NEGR1: variants seen among roughly 807,000 people sequenced by gnomAD.
NEGR1 encodes IgLON family member 4.
In NEGR1, 10 loss-of-function variants were observed where a neutral mutation model predicts 40.9. That is an observed-to-expected ratio of 0.24 (90% CI 0.15 to 0.42). The LOEUF (loss-of-function observed/expected upper bound fraction) is 0.42, where lower values mean the gene tolerates loss of function less well. Among genes scored for constraint, NEGR1 ranks in the 10% least tolerant of loss-of-function variants. The pLI is 1.00. For missense variants in NEGR1, 352 were observed against 438.9 expected (o/e 0.80, Z 1.77); for synonymous variants, 185 against 166.8 (o/e 1.11, Z -0.84).
chr1:71,707,170 C>T (rs550688110), intron 3 of NEGR1, among the ~76,000 whole-genome samples: 1 of 152,196 alleles, frequency 6.6e-6, no homozygotes, highest in South Asian at 2.1e-4. Flanking sequence ...TACACTGCCA[C>T]AGGGGTTGGA....
intron 3 of NEGR1, among the ~76,000 whole-genome samples, chr1:71,715,707 C>A (rs1305658636): frequency 6.6e-6 from 1 of 152,142 alleles, no homozygotes; most frequent in Non-Finnish European, 1.5e-5. Flanking sequence ...GCAAGAGTTG[C>A]CTTTATTACA....
intron 2 of NEGR1, among the ~76,000 whole-genome samples, chr1:71,813,019 C>T (rs1352957886): frequency 1.3e-5 from 2 of 151,942 alleles, no homozygotes; most frequent in East Asian, 1.9e-4. Flanking sequence ...GCCTATGTCC[C>T]GAATTGTATT....
chr1:71,665,195 G>A (rs1408981686), intron 4 of NEGR1, among the ~76,000 whole-genome samples: 2 of 152,120 alleles, frequency 1.3e-5, no homozygotes, highest in African/African-American at 2.4e-5. Context: ...CAATAATAAA[G>A]CTAATTTTTC....
At position 71,661,050 on chromosome 1, in the gene NEGR1, C is replaced by T. The variant is rs556897827; in HGVS notation, c.667+36958G>A. The stretch of plus-strand genomic sequence containing the variant: ...TGAACTCATCCTTTTTTAGGGCTGC[C>T]TAGTATTCCATGGTGTGTATGTGCC... On this transcript the variant is annotated intron_variant, in intron 4 of 6. Coordinates refer to ENST00000357731, the MANE Select transcript of NEGR1 (RefSeq NM_173808.3). Among the ~76,000 whole-genome samples the T allele has an allele frequency of 1.2e-3, 189 of 152,206 alleles. 1 individual carries two copies. Among genetic ancestry groups the T allele is most frequent in the African/African-American group, 4.4e-3 (181 of 41,528 alleles).
At chr1:71,652,922 G>T (rs1651765556) in intron 4 of NEGR1, among the ~76,000 whole-genome samples, 1 of 151,338 alleles carries the variant, frequency 6.6e-6, no homozygotes, top group South Asian at 2.1e-4. Context: ...CTTTTTTATG[G>T]TCTTATTGTT....
intron 6 of NEGR1, among the ~76,000 whole-genome samples, chr1:71,415,108 T>G (rs1163299751): frequency 1.3e-5 from 2 of 152,080 alleles, no homozygotes; most frequent in African/African-American, 4.8e-5. Flanking sequence ...TGTATTTATA[T>G]ACTTATTCTA....
intron 2 of NEGR1, among the ~76,000 whole-genome samples, chr1:71,924,735 T>C (rs1040552676): frequency 2.6e-5 from 4 of 152,192 alleles, no homozygotes; most frequent in Non-Finnish European, 4.4e-5. Flanking sequence ...GGGTAGAATA[T>C]ATTTTGTAGA....
chr1:72,228,918 C>A (rs1281047951), intron 1 of NEGR1, among the ~76,000 whole-genome samples: 1 of 152,082 alleles, frequency 6.6e-6, no homozygotes, highest in East Asian at 1.9e-4. Context: ...CCTAGGAATA[C>A]TGCTATCACT....
intron 2 of NEGR1, among the ~76,000 whole-genome samples, chr1:71,906,869 T>C (rs1661291163): frequency 6.6e-6 from 1 of 152,280 alleles, no homozygotes; most frequent in South Asian, 2.1e-4. Context: ...GCACTTAACC[T>C]AGCCTGAGGG....
At chr1:71,562,415 T>C (rs2101482151) in intron 6 of NEGR1, among the ~76,000 whole-genome samples, 1 of 98,154 alleles carries the variant, frequency 1.0e-5, no homozygotes, top group African/African-American at 3.3e-5. Flanking sequence ...ATTACATTGC[T>C]TACCATTACC....
At chr1:71,424,761 A>T (rs963330176) in intron 6 of NEGR1, among the ~76,000 whole-genome samples, 3 of 152,186 alleles carry the variant, frequency 2.0e-5, no homozygotes, top group African/African-American at 7.2e-5. Flanking sequence ...CCTTCTGCTG[A>T]CAGCCAACAA....
rs566508219 is a variant in NEGR1 at position 72,017,474 on chromosome 1, G to A, written c.177-82163C>T. ...AAATACCTGGTAATTTATTGCACCC[G>A]CAGATATTTGTTGAGTGAATGGATA... On this transcript the variant is annotated intron_variant, in intron 1 of 6. Coordinates refer to ENST00000357731, the MANE Select transcript of NEGR1 (RefSeq NM_173808.3). 3.9e-5 allele frequency among the ~76,000 whole-genome samples: 6 copies of A among 152,100 alleles called. No individual in the cohort carries two copies. The East Asian group carries it at 9.6e-4, about 24-fold the overall frequency.
chr1:71,799,182 T>C (rs991995873), intron 2 of NEGR1, among the ~76,000 whole-genome samples: 3 of 152,082 alleles, frequency 2.0e-5, no homozygotes, highest in Non-Finnish European at 4.4e-5. Context: ...CTACTAATGC[T>C]ATCCCTCCCC....
At chr1:71,942,812 T>C (rs1239440840) in intron 1 of NEGR1, among the ~76,000 whole-genome samples, 3 of 149,898 alleles carry the variant, frequency 2.0e-5, no homozygotes, top group Non-Finnish European at 4.4e-5. Context: ...TAAATCTATA[T>C]TTTTTAAGAG....
intron 2 of NEGR1, among the ~76,000 whole-genome samples, chr1:71,861,627 T>A (rs1262714314): frequency 6.6e-6 from 1 of 152,076 alleles, no homozygotes; most frequent in Non-Finnish European, 1.5e-5. Context: ...GAGAAAGGAA[T>A]AACTTGTGCT....
chr1:71,861,878 C>A (rs912159658), intron 2 of NEGR1, among the ~76,000 whole-genome samples: 3 of 151,962 alleles, frequency 2.0e-5, no homozygotes, highest in African/African-American at 4.8e-5. Context: ...AAAAGAAAAA[C>A]CATGTATTTA....
chr1:72,190,876 A>G (rs989100651), intron 1 of NEGR1, among the ~76,000 whole-genome samples: 6 of 151,638 alleles, frequency 4.0e-5, no homozygotes, highest in South Asian at 2.1e-4. Context: ...TAACATATAT[A>G]CTATGTAATG....
At chr1:71,575,006 A>C (rs2101497231) in intron 6 of NEGR1, among the ~76,000 whole-genome samples, 1 of 152,282 alleles carries the variant, frequency 6.6e-6, no homozygotes, top group South Asian at 2.1e-4. Flanking sequence ...TTCTGAGACT[A>C]AATCTGTAAT....
At chr1:72,095,774 C>G (rs1648674543) in intron 1 of NEGR1, among the ~76,000 whole-genome samples, 1 of 152,086 alleles carries the variant, frequency 6.6e-6, no homozygotes, top group Non-Finnish European at 1.5e-5. Context: ...AAACTACTGG[C>G]ATTTTGATAG....
Sources: gnomAD v4.1 joint callset for allele counts (sites outside exome capture counted in the v4.1 genomes callset) on GRCh38, gnomAD v4.1.1 for gene constraint, MANE v1.5 for transcripts, NCBI Gene and HGNC (gene_info 2026-07-23, HGNC 2026-07-21) for gene names.